Variants in NMNAT3 observed in about 807,000 individuals in gnomAD.
NMNAT3 encodes the protein nicotinamide/nicotinic acid mononucleotide adenylyltransferase 3.
Under a neutral mutation model 24.8 loss-of-function variants are expected in NMNAT3, and 21 were observed. The ratio of observed to expected loss-of-function variants is 0.85; its 90% CI spans 0.60 to 1.22. NMNAT3 has a LOEUF of 1.22. Ranked by LOEUF, NMNAT3 falls within the 50% of genes most tolerant of loss-of-function variation. NMNAT3 has a pLI of 0.00. For missense variants in NMNAT3, 387 were observed against 436.6 expected, an observed-to-expected ratio of 0.89 and a Z score of 1.01; for synonymous variants, 136 against 155.2, an observed-to-expected ratio of 0.88 and a Z score of 0.92.
intron 6 of NMNAT3, chr3:139,566,303 T>C (rs1233626351): frequency 6.6e-6 from 1 of 151,954 alleles, no homozygotes; most frequent in East Asian, 1.9e-4. Flanking sequence ...TTTCTCCCAT[T>C]CTGTAAGTTA....
intron 3 of NMNAT3, among the ~76,000 whole-genome samples, chr3:139,623,593 T>G (rs1279834413): frequency 6.6e-6 from 1 of 152,128 alleles, no homozygotes; most frequent in Admixed American, 6.5e-5. Context: ...GTCGATTGAT[T>G]GATTGATTGA....
chr3:139,647,926 T>C (rs1435268956), intron 1 of NMNAT3, among the ~76,000 whole-genome samples: 1 of 152,200 alleles, frequency 6.6e-6, no homozygotes, highest in Non-Finnish European at 1.5e-5. Flanking sequence ...GAGTTTCAGT[T>C]TGTACAAAAG....
intron 5 of NMNAT3, among the ~76,000 whole-genome samples, chr3:139,578,513 T>A (rs1379949789): frequency 1.3e-5 from 2 of 152,240 alleles, no homozygotes; most frequent in Non-Finnish European, 2.9e-5. Flanking sequence ...TTCGGTTTTG[T>A]TGTCTCCATT....
intron 1 of NMNAT3, among the ~76,000 whole-genome samples, chr3:139,651,414 G>T (rs1041908053): frequency 6.6e-6 from 1 of 152,076 alleles, no homozygotes; most frequent in African/African-American, 2.4e-5. Context: ...CTCCACCAAT[G>T]ATTCCATATA....
intron 1 of NMNAT3, among the ~76,000 whole-genome samples, chr3:139,653,260 T>C (rs1013130991): frequency 4.6e-5 from 7 of 152,124 alleles, no homozygotes; most frequent in African/African-American, 7.2e-5. Flanking sequence ...TGTTTCTTAA[T>C]TCAAATGCAA....
chr3:139,645,886 A>G (rs1266506563), intron 1 of NMNAT3, among the ~76,000 whole-genome samples: 6 of 152,232 alleles, frequency 3.9e-5, no homozygotes, highest in Non-Finnish European at 5.9e-5. Context: ...ATTCAAGTAA[A>G]AATGTATCCA....
chr3:139,587,027 A>C (rs1440432945), intron 3 of NMNAT3, among the ~76,000 whole-genome samples: 1 of 152,192 alleles, frequency 6.6e-6, no homozygotes, highest in Non-Finnish European at 1.5e-5. Context: ...AAATCTGACA[A>C]TGTTAGAGCA....
chr3:139,610,849 A>G (rs998002451), intron 3 of NMNAT3, among the ~76,000 whole-genome samples: 1 of 152,242 alleles, frequency 6.6e-6, no homozygotes, highest in Non-Finnish European at 1.5e-5. Context: ...AAAATCACCA[A>G]GGTAGCAAAA....
intron 2 of NMNAT3, chr3:139,634,884 TAAA>T (rs1438662485): frequency 6.6e-6 from 1 of 152,230 alleles, no homozygotes; most frequent in East Asian, 1.9e-4. Context: ...GGCACTGTGC[TAAA>T]AACTTCACAC....
At chr3:139,573,451 A>G (rs1022834945) in intron 6 of NMNAT3, 147 bp downstream of exon 6, 10 of 432,808 alleles carry the variant, frequency 2.3e-5, no homozygotes, top group Admixed American at 1.3e-4. Context: ...CAGAAGTGTC[A>G]TCCCAACCAG....
rs540201563 is a variant in NMNAT3 at position 139,651,273 on chromosome 3, T to G, written c.-140-13211A>C. 2.0e-5 allele frequency among the ~76,000 whole-genome samples: 3 copies of G among 152,328 alleles called. No homozygotes were observed. In the East Asian group the frequency reaches 5.8e-4, roughly 29 times the overall value. ...CATGGATTAGAGACTAAATAATGGC[T>G]TCCATTATATGATTTTCATTTTAAG... On this transcript the variant is annotated intron_variant, in intron 1 of 6. Transcript: ENST00000643695.
chr3:139,635,031 A>G (rs1245562430), intron 2 of NMNAT3: 1 of 152,178 alleles, frequency 6.6e-6, no homozygotes, highest in Non-Finnish European at 1.5e-5. Context: ...TACCTCTTAG[A>G]ACTTTCATGA....
chr3:139,634,511 T>G (rs901524747), intron 2 of NMNAT3, 100 bp downstream of exon 3: 27 of 152,196 alleles, frequency 1.8e-4, no homozygotes, highest in African/African-American at 6.5e-4. Flanking sequence ...TGTCGACTTC[T>G]CTAGGGCAAT....
In NMNAT3 at chr3:139,671,885, G is replaced by T. The variant is rs187401551; in HGVS notation, c.-141+5820C>A. The stretch of plus-strand genomic sequence containing the variant: ...ACAGAGAAACTTCCAGCCTTCTAAA[G>T]GTTTCTCTTGACCTGACCTGGTGTG... On this transcript the variant is annotated intron_variant, in intron 1 of 6. Coordinates refer to ENST00000643695, the MANE Select transcript of NMNAT3 (RefSeq NM_001320510.2). 8.1e-4 allele frequency among the ~76,000 whole-genome samples: 124 copies of T among 152,296 alleles called. 1 individual carries two copies. The highest frequency in any genetic ancestry group is 2.8e-3 in the African/African-American group (118 of 41,558).
At chr3:139,602,093 A>T (rs958306676) in intron 3 of NMNAT3, among the ~76,000 whole-genome samples, 2 of 152,226 alleles carry the variant, frequency 1.3e-5, no homozygotes, top group Admixed American at 6.5e-5. Context: ...GGGATTCAAT[A>T]AAATAGGTCA....
chr3:139,563,662 T>A (rs1936748324), intron 6 of NMNAT3, among the ~76,000 whole-genome samples: 1 of 152,196 alleles, frequency 6.6e-6, no homozygotes, highest in African/African-American at 2.4e-5. Flanking sequence ...GACAATACCA[T>A]GTGATAGATC....
Position 139,595,500 on chromosome 3 carries a change from G to C in NMNAT3, c.110-12292C>G, listed in dbSNP as rs527700236. On this transcript the variant is annotated intron_variant, in intron 3 of 6. Transcript: ENST00000643695. ...GGAACCAAAAAAGAGCCCGCATTGC[G>C]AAGTCAATCCTAAGCCAAAAGAAGA... Among the ~76,000 whole-genome samples, 106 of 152,266 alleles carry C rather than the reference G, an allele frequency of 7.0e-4. 1 individual carries two copies. In the South Asian group the frequency reaches 0.012, roughly 18 times the overall value.
chr3:139,600,315 T>TG (rs1384698799), intron 3 of NMNAT3, among the ~76,000 whole-genome samples: 1 of 151,990 alleles, frequency 6.6e-6, no homozygotes, highest in Non-Finnish European at 1.5e-5. Context: ...GATTTTTTTT[T>TG]TTTTTTTGAG....
At chr3:139,576,740 A>G (rs1034030189) in intron 5 of NMNAT3, among the ~76,000 whole-genome samples, 1 of 152,160 alleles carries the variant, frequency 6.6e-6, no homozygotes, top group Non-Finnish European at 1.5e-5. Flanking sequence ...GAGCAACACA[A>G]GAATAAAGGA....
Sources: allele counts gnomAD v4.1 joint callset (sites outside exome capture counted in the v4.1 genomes callset), GRCh38; gene constraint gnomAD v4.1.1; transcripts MANE v1.5; gene names NCBI Gene and HGNC (gene_info 2026-07-23, HGNC 2026-07-21).